Variants in ADAMTSL3 observed in about 807,000 individuals in gnomAD.
ADAMTSL3 encodes the protein ADAMTS like 3.
In ADAMTSL3, 128 loss-of-function variants were observed where a neutral mutation model predicts 201.7. The ratio of observed to expected loss-of-function variants is 0.63; its 90% confidence interval spans 0.55 to 0.73. The LOEUF (loss-of-function observed/expected upper bound fraction) is 0.73, where lower values mean the gene tolerates loss of function less well. ADAMTSL3 is among the 30% of genes least tolerant of loss of function. The probability of loss-of-function intolerance (pLI) is 0.00; values close to 1 mark genes in which losing one functional copy is unlikely to be tolerated. For synonymous variants in ADAMTSL3, 738 were observed against 748.4 expected (o/e 0.99, Z 0.23); for missense variants, 1,990 against 2,119.6 (o/e 0.94, Z 1.20).
At chr15:83,947,956 A>G (rs2066685389) in intron 19 of ADAMTSL3, among the ~76,000 whole-genome samples, 1 of 152,172 alleles carries the variant, frequency 6.6e-6, no homozygotes, top group Non-Finnish European at 1.5e-5. Flanking sequence ...GTCTCTGTCC[A>G]TGTACCACTG....
At chr15:83,700,590 C>A (rs1248065621) in intron 2 of ADAMTSL3, among the ~76,000 whole-genome samples, 1 of 152,042 alleles carries the variant, frequency 6.6e-6, no homozygotes, top group Non-Finnish European at 1.5e-5. Context: ...ATGGTGAAAC[C>A]CCGTCTCTAC....
intron 3 of ADAMTSL3, among the ~76,000 whole-genome samples, chr15:83,733,973 C>A (rs972198500): frequency 6.6e-6 from 1 of 152,046 alleles, no homozygotes; most frequent in South Asian, 2.1e-4. Flanking sequence ...ACAATGCAGG[C>A]GGACATTTAA....
At position 83,970,040 on chromosome 15, in the gene ADAMTSL3, CAT is replaced by C. The variant is rs371567029; in HGVS notation, c.2491-443_2491-442del. ...AACCCATCACATTGTACACATTAGACATGTGTAGTTCTTTGTATATCAATTAT... is the reference window on the plus strand; with the variant it reads ...AACCCATCACATTGTACACATTAGACGTGTAGTTCTTTGTATATCAATTAT... On this transcript the variant is annotated intron_variant, in intron 19 of 29. Coordinates refer to ENST00000286744, the MANE Select transcript of ADAMTSL3 (RefSeq NM_207517.3). 2.6e-4 allele frequency among the ~76,000 whole-genome samples: 39 copies of C among 152,196 alleles called. No homozygotes were observed. The East Asian group carries it at 5.4e-3, about 21-fold the overall frequency.
rs1290499598 is a variant in ADAMTSL3 at position 83,897,774 on chromosome 15, A to G, written c.1468-84A>G. 16 of 1,437,610 alleles carry G rather than the reference A, an allele frequency of 1.1e-5. No individual in the cohort carries two copies. The East Asian group carries it at 1.2e-4, about 10-fold the overall frequency. 89.1% of individuals were successfully genotyped at this position (1,437,610 alleles called of 1,614,324 possible). Reference sequence around the variant, plus strand: ...TTGTGTTTAACATTTATGTAGTTCAATGGCTCTCCTTTGCATTCGATAAAA... The same window carrying G: ...TTGTGTTTAACATTTATGTAGTTCAGTGGCTCTCCTTTGCATTCGATAAAA... On this transcript the variant is annotated intron_variant, in intron 13 of 29. Coordinates refer to ENST00000286744, the MANE Select transcript of ADAMTSL3 (RefSeq NM_207517.3).
At chr15:83,972,158 G>T (rs868516645) in intron 20 of ADAMTSL3, among the ~76,000 whole-genome samples, 23 of 152,218 alleles carry the variant, frequency 1.5e-4, no homozygotes, top group Middle Eastern at 3.4e-3. Context: ...AAAGGCATGA[G>T]ACTTGCCTAA....
At chr15:83,951,138 A>T (rs913790397) in intron 19 of ADAMTSL3, among the ~76,000 whole-genome samples, 9 of 151,734 alleles carry the variant, frequency 5.9e-5, no homozygotes, top group African/African-American at 2.2e-4. Context: ...ATTCAGTATG[A>T]TACTAGCTGT....
Position 84,016,530 on chromosome 15 carries a change from A to C in ADAMTSL3, c.4273+31A>C, listed in dbSNP as rs760844609. On this transcript the variant is annotated intron_variant, in intron 25 of 29. Coordinates refer to ENST00000286744, the MANE Select transcript of ADAMTSL3 (RefSeq NM_207517.3). ...GGATTTTGACCTTTTCAGATTTGCT[A>C]TGTGTGAGGCATGTGTAAGGAAAAG... The C allele has an allele frequency of 1.9e-6, 3 of 1,540,518 alleles. No individual in the cohort carries two copies. The South Asian group carries it at 3.4e-5, about 17-fold the overall frequency.
intron 15 of ADAMTSL3, among the ~76,000 whole-genome samples, chr15:83,910,675 C>T (rs886968631): frequency 7.3e-5 from 11 of 149,848 alleles, no homozygotes; most frequent in Non-Finnish European, 1.0e-4. Flanking sequence ...CACTCTGTTA[C>T]CCAGGCTGGA....
Position 83,892,821 on chromosome 15 carries a change from A to C in ADAMTSL3, c.1400A>C (p.Lys467Thr). 1 of 1,614,120 alleles carries C rather than the reference A, an allele frequency of 6.2e-7. No individual in the cohort carries two copies. The highest frequency in any genetic ancestry group is 8.5e-7 in the Non-Finnish European group (1 of 1,179,998). ...GAATGGAAGTGCATGTACGCACCCA[A>C]ACCCAAGGTTATGCAAACTTGTAAT... ...VEEWKCMYAP[K>T]PKVMQTCNLF... is the part of the protein sequence containing the mutation. Residue 467 changes from lysine (K) to threonine (T), a missense_variant, in exon 13 of 30, where the codon AAA becomes ACA. Coordinates refer to ENST00000286744, the MANE Select transcript of ADAMTSL3 (RefSeq NM_207517.3).
intron 3 of ADAMTSL3, among the ~76,000 whole-genome samples, chr15:83,711,171 A>G (rs935458855): frequency 1.3e-5 from 2 of 152,122 alleles, no homozygotes; most frequent in Non-Finnish European, 2.9e-5. Context: ...GGAGAAATCT[A>G]TTTGCTGTGA....
At chr15:83,710,143 C>T (rs1202311150) in intron 3 of ADAMTSL3, among the ~76,000 whole-genome samples, 1 of 152,120 alleles carries the variant, frequency 6.6e-6, no homozygotes, top group Non-Finnish European at 1.5e-5. Context: ...AATGCAAGCT[C>T]GAAGCCATTT....
At chr15:83,991,364 G>T in intron 23 of ADAMTSL3, 150 bp downstream of exon 23, 3 of 1,178,230 alleles carry the variant, frequency 2.5e-6, no homozygotes, top group Non-Finnish European at 3.6e-6. Flanking sequence ...ACTGACAGTG[G>T]ATCTAACTCT....
intron 22 of ADAMTSL3, 83 bp from the exon 23 acceptor site, chr15:83,991,003 A>G: frequency 6.3e-7 from 1 of 1,587,944 alleles, no homozygotes; most frequent in Non-Finnish European, 8.6e-7. Context: ...CAAAGGGCTC[A>G]ACAAAGCTTA....
At chr15:83,859,639 C>G (rs1366144879) in intron 8 of ADAMTSL3, among the ~76,000 whole-genome samples, 1 of 152,172 alleles carries the variant, frequency 6.6e-6, no homozygotes, top group Admixed American at 6.5e-5. Flanking sequence ...CCTGGAATTT[C>G]TCTTGAAGGA....
chr15:83,962,520 C>T (rs2066992188), intron 19 of ADAMTSL3: 1 of 152,082 alleles, frequency 6.6e-6, no homozygotes, highest in Non-Finnish European at 1.5e-5. Flanking sequence ...TCTAATTTTA[C>T]TTTAATGTCT....
At chr15:83,962,251 C>G (rs2142096820) in intron 19 of ADAMTSL3, 1 of 152,292 alleles carries the variant, frequency 6.6e-6, no homozygotes, top group South Asian at 2.1e-4. Flanking sequence ...TCTATTAAAC[C>G]TCTTTCCTTT....
chr15:83,804,671 T>G lies in ADAMTSL3; in HGVS notation c.339T>G (p.Ile113Met). The G allele has an allele frequency of 1.3e-6, 2 of 1,588,128 alleles. No individual in the cohort carries two copies. The highest frequency in any genetic ancestry group is 2.4e-5 in the South Asian group (2 of 84,530). ...LTGRNCEGQNIRYKTCSNHDC... is the reference protein window; with the variant it reads ...LTGRNCEGQNMRYKTCSNHDC... ...TTAGGAATTGTGAAGGGCAGAACAT[T>G]CGGTACAAGACATGCAGCAATCATG... is the stretch of plus-strand genomic sequence containing the variant. The change falls in exon 5 of 30, where the codon ATT becomes ATG. Residue 113 changes from isoleucine to methionine, a missense_variant. Physicochemically the swap from Ile to Met is conservative, Grantham distance 10. Coordinates refer to ENST00000286744, the MANE Select transcript of ADAMTSL3 (RefSeq NM_207517.3).
chr15:83,670,387 G>A (rs563622808), intron 2 of ADAMTSL3, among the ~76,000 whole-genome samples: 1 of 151,730 alleles, frequency 6.6e-6, no homozygotes, highest in African/African-American at 2.4e-5. Context: ...AAAGTCTGTA[G>A]CAGTAGAAAT....
chr15:83,831,803 G>A (rs770985206), intron 6 of ADAMTSL3, among the ~76,000 whole-genome samples: 3 of 152,144 alleles, frequency 2.0e-5, no homozygotes, highest in Non-Finnish European at 4.4e-5. Context: ...GCCCAGACTG[G>A]GAACAGCAGG....
Sources: allele counts gnomAD v4.1 joint callset (sites outside exome capture counted in the v4.1 genomes callset), GRCh38; gene constraint gnomAD v4.1.1; transcripts MANE v1.5; gene names NCBI Gene and HGNC (gene_info 2026-07-23, HGNC 2026-07-21).